EXOC3: variants seen among roughly 807,000 people sequenced by gnomAD.
The protein encoded by EXOC3 is exocyst complex component 3, also known as SEC6-like 1.
In EXOC3, 21 loss-of-function variants were observed where a neutral mutation model predicts 73.7. The ratio of observed to expected loss-of-function variants is 0.29; its 90% CI spans 0.20 to 0.41. EXOC3 has a LOEUF of 0.41. Among genes scored for constraint, EXOC3 ranks in the 10% least tolerant of loss-of-function variants. The probability of loss-of-function intolerance (pLI) is 1.00; values close to 1 mark genes in which losing one functional copy is unlikely to be tolerated. For synonymous variants in EXOC3, 410 were observed against 389.1 expected (o/e 1.05, Z -0.63); for missense variants, 842 against 985.1 (o/e 0.85, Z 1.95).
Position 443,197 on chromosome 5 carries a change from G to GGCGGAGGCA in EXOC3, c.-146_-138dup, listed in dbSNP as rs1316209620. ...GTCCACTTCCGGCCGGGACCCCGGA[G>GGCGGAGGCA]GCGGAGGCAGCGAAGGCGGAGGGGG... On this transcript the variant is annotated 5_prime_UTR_variant, in exon 1 of 13. Coordinates refer to ENST00000512944, the MANE Select transcript of EXOC3 (RefSeq NM_007277.5). 1.3e-5 allele frequency: 2 copies of GGCGGAGGCA among 157,774 alleles called. No homozygotes were observed. The highest frequency in any genetic ancestry group is 3.4e-4 in the South Asian group (2 of 5,970). The allele number at this position is 157,774 out of a possible 1,614,324, so 9.8% of individuals were successfully genotyped here.
intron 4 of EXOC3, among the ~76,000 whole-genome samples, chr5:456,469 T>C (rs1052297530): frequency 1.3e-5 from 2 of 152,198 alleles, no homozygotes; most frequent in Non-Finnish European, 1.5e-5. Flanking sequence ...AGGCCCTGCC[T>C]CGGCTCTGCA....
chr5:448,699 C>T (rs1352908097), intron 3 of EXOC3, among the ~76,000 whole-genome samples: 1 of 152,224 alleles, frequency 6.6e-6, no homozygotes, highest in Non-Finnish European at 1.5e-5. Context: ...CGGTTCTCCC[C>T]AGCTGCCCAC....
intron 5 of EXOC3, 171 bp downstream of exon 5, chr5:457,177 A>G (rs1410846063): frequency 1.6e-6 from 1 of 607,744 alleles, no homozygotes; most frequent in Non-Finnish European, 3.0e-6. Flanking sequence ...GTTTGCTAGA[A>G]GAGGAGAATG....
chr5:453,417 C>A lies in EXOC3; in HGVS notation c.412C>A (p.Leu138Ile). Reference sequence around the variant, plus strand: ...CCAGGACCTAATTGAACAAGGGGCACTCCTGCAAGCCCACCGGAAGCTGAT... The same window carrying A: ...CCAGGACCTAATTGAACAAGGGGCAATCCTGCAAGCCCACCGGAAGCTGAT... ...ETQDLIEQGA[L>I]LQAHRKLMDL... Residue 138 changes from leucine (L) to isoleucine (I), a missense_variant, in exon 4 of 13, where the codon CTC (leucine) becomes ATC (isoleucine). Coordinates refer to ENST00000512944, the MANE Select transcript of EXOC3 (RefSeq NM_007277.5). 3 of 1,602,068 alleles carry A rather than the reference C, an allele frequency of 1.9e-6. No individual in the cohort carries two copies. Among genetic ancestry groups the A allele is most frequent in the Non-Finnish European group, 2.6e-6 (3 of 1,174,256 alleles).
chr5:456,245 C>T (rs1392470380), intron 4 of EXOC3, among the ~76,000 whole-genome samples: 1 of 152,196 alleles, frequency 6.6e-6, no homozygotes, highest in Non-Finnish European at 1.5e-5. Flanking sequence ...TAAATCATTT[C>T]TAGATTACTT....
intron 9 of EXOC3, among the ~76,000 whole-genome samples, chr5:462,812 TAAG>T (rs1469380734): frequency 6.6e-6 from 1 of 152,202 alleles, no homozygotes; most frequent in African/African-American, 2.4e-5. Flanking sequence ...ATTTAAAAAA[TAAG>T]ACCTTGTAGG....
intron 9 of EXOC3, among the ~76,000 whole-genome samples, chr5:463,745 T>C (rs1177232841): frequency 6.6e-6 from 1 of 152,246 alleles, no homozygotes; most frequent in Non-Finnish European, 1.5e-5. Flanking sequence ...AATTCAACTT[T>C]AAGGAATTTC....
chr5:459,886 C>T (rs1737933638), intron 7 of EXOC3, among the ~76,000 whole-genome samples: 1 of 152,234 alleles, frequency 6.6e-6, no homozygotes, highest in Admixed American at 6.5e-5. Context: ...CCACCCTCCC[C>T]ATGAGTTGTT....
chr5:458,753 C>T (rs1385818458), intron 6 of EXOC3, among the ~76,000 whole-genome samples: 2 of 152,178 alleles, frequency 1.3e-5, no homozygotes, highest in South Asian at 2.1e-4. Flanking sequence ...GATGGAGCCC[C>T]GTTGTGTTAG....
At chr5:458,341 C>T (rs940919282) in intron 6 of EXOC3, among the ~76,000 whole-genome samples, 2 of 152,168 alleles carry the variant, frequency 1.3e-5, no homozygotes, top group African/African-American at 2.4e-5. Context: ...TTTGTTTGGT[C>T]GATATCCAGG....
At chr5:452,346 A>G (rs1008613449) in intron 3 of EXOC3, among the ~76,000 whole-genome samples, 12 of 151,824 alleles carry the variant, frequency 7.9e-5, no homozygotes, top group African/African-American at 2.7e-4. Context: ...CATTTCATTT[A>G]TTGTACTTTT....
intron 9 of EXOC3, among the ~76,000 whole-genome samples, chr5:462,787 C>T (rs1404907483): frequency 6.6e-6 from 1 of 152,156 alleles, no homozygotes; most frequent in African/African-American, 2.4e-5. Flanking sequence ...GAGGTATTGG[C>T]AGAAATCAGG....
In EXOC3 at chr5:456,968, G is replaced by A. The variant is rs367840169; in HGVS notation, c.1126G>A (p.Val376Ile). The A allele has an allele frequency of 6.8e-6, 11 of 1,614,032 alleles. No homozygotes were observed. The highest frequency in any genetic ancestry group is 3.3e-5 in the Admixed American group (2 of 60,028). Residue 376 changes from valine to isoleucine, a missense_variant, in exon 5 of 13, where the codon GTC (valine) becomes ATC (isoleucine). Transcript: ENST00000512944. ...TLEPLLSPHV[V>I]SELLDTYMST... ...GGAGCCATTGCTTTCTCCACACGTG[G>A]TCTCTGAGCTGCTTGACACGTACAT...
intron 9 of EXOC3, chr5:462,519 A>G (rs1738020922): frequency 1.7e-6 from 1 of 575,350 alleles, no homozygotes; most frequent in Middle Eastern, 4.6e-4. Flanking sequence ...ACAATTCAGT[A>G]GATTCACCCT....
intron 9 of EXOC3, 58 bp from the exon 10 acceptor site, chr5:464,232 A>C: frequency 6.4e-7 from 1 of 1,572,602 alleles, no homozygotes; most frequent in Non-Finnish European, 8.7e-7. Flanking sequence ...TCCCACATGC[A>C]CTCGGCTCTC....
At chr5:466,300 G>C (rs923824558) in intron 12 of EXOC3, 1 of 241,438 alleles carries the variant, frequency 4.1e-6, no homozygotes, top group African/African-American at 2.2e-5. Context: ...ACCCACGCAC[G>C]TCCCCCCTCC....
chr5:464,302 GAATT>G lies in EXOC3; in HGVS notation c.1667_1670del (p.Glu556GlyfsTer2), dbSNP rs1224456602. The G allele has an allele frequency of 1.2e-6, 2 of 1,613,526 alleles. No homozygotes were observed. Among genetic ancestry groups the G allele is most frequent in the Non-Finnish European group, 8.5e-7 (1 of 1,179,526 alleles). ...TTCTGCTTTTCAGCAACATCTGAAT[GAATT>G]GATGACGAAGAAGTGGCTATTAGGG... is the stretch of plus-strand genomic sequence containing the variant. On this transcript the variant is annotated frameshift_variant, in exon 10 of 13. Coordinates refer to ENST00000512944, the MANE Select transcript of EXOC3 (RefSeq NM_007277.5). LOFTEE classifies it high-confidence loss of function.
intron 1 of EXOC3, among the ~76,000 whole-genome samples, chr5:443,499 T>G (rs1737404599): frequency 6.6e-6 from 1 of 151,432 alleles, no homozygotes. Context: ...GGCACATGTG[T>G]CCCCCCCAGG....
chr5:465,449 A>G (rs1375813586), intron 11 of EXOC3, among the ~76,000 whole-genome samples, 177 bp downstream of exon 11: 1 of 152,188 alleles, frequency 6.6e-6, no homozygotes. Flanking sequence ...ACAGAGGTAG[A>G]CGCGCCGGCC....
Sources: allele counts gnomAD v4.1 joint callset (sites outside exome capture counted in the v4.1 genomes callset), GRCh38; gene constraint gnomAD v4.1.1; transcripts MANE v1.5; gene names NCBI Gene and HGNC (gene_info 2026-07-23, HGNC 2026-07-21).